The following EPHA6 variants were observed in gnomAD, a reference collection of about 807,000 sequenced individuals.
The protein encoded by EPHA6 is EPH receptor A6.
EPHA6 carries 50 observed loss-of-function variants against 112.0 expected under a neutral mutation model. That is an observed-to-expected ratio of 0.45 (90% CI 0.36 to 0.56). EPHA6 has a LOEUF of 0.56. EPHA6 is among the 20% of genes least tolerant of loss of function. The pLI, the probability that EPHA6 is intolerant of heterozygous loss-of-function variation, is 0.00. For missense variants in EPHA6, 1,280 were observed against 1,417.4 expected (o/e 0.90, Z 1.56); for synonymous variants, 529 against 490.7 (o/e 1.08, Z -1.03).
intron 1 of EPHA6, among the ~76,000 whole-genome samples, chr3:96,839,949 T>C (rs147302370): frequency 2.0e-5 from 3 of 152,248 alleles, no homozygotes; most frequent in Admixed American, 1.3e-4. Context: ...GAATTGGTAA[T>C]GGGAGACCAT....
rs146315061 is a variant in EPHA6, at chr3:97,409,308, A to G, written c.1731+4034A>G. Among the ~76,000 whole-genome samples the G allele has an allele frequency of 2.5e-3, 379 of 152,232 alleles. 3 individuals are homozygous for G. The highest frequency in any genetic ancestry group is 8.2e-3 in the African/African-American group (342 of 41,564). On this transcript the variant is annotated intron_variant, in intron 6 of 17. Coordinates refer to ENST00000389672, the MANE Select transcript of EPHA6 (RefSeq NM_001080448.3). ...GAGAGGCCCATAGATGGTAATTAAT[A>G]GATACTGATTGTTGACCAACTATAT...
In EPHA6 at chr3:97,503,183, T is replaced by G. The variant is rs145169563; in HGVS notation, c.2200+19124T>G. On this transcript the variant is annotated intron_variant, in intron 10 of 17. Coordinates refer to ENST00000389672, the MANE Select transcript of EPHA6 (RefSeq NM_001080448.3). ...TATATTACAAAAACTGACCTCAGGA[T>G]AAATAGGAAACTAAATTGTCCTATA... Among the ~76,000 whole-genome samples, 996 of 152,280 alleles carry G rather than the reference T, an allele frequency of 6.5e-3. 12 individuals are homozygous for G. The highest frequency in any genetic ancestry group is 0.022 in the African/African-American group (916 of 41,570).
intron 6 of EPHA6, among the ~76,000 whole-genome samples, chr3:97,435,401 T>G (rs2089770886): frequency 6.6e-6 from 1 of 152,102 alleles, no homozygotes; most frequent in South Asian, 2.1e-4. Context: ...TAAAAAATAG[T>G]TAATTCATAA....
chr3:97,263,739 TAAA>T (rs2079577784), intron 5 of EPHA6, among the ~76,000 whole-genome samples: 1 of 152,066 alleles, frequency 6.6e-6, no homozygotes, highest in Non-Finnish European at 1.5e-5. Flanking sequence ...TATGCAAAGT[TAAA>T]AGAAGAAAAA....
intron 3 of EPHA6, among the ~76,000 whole-genome samples, chr3:97,177,250 G>T (rs1395746619): frequency 1.3e-5 from 2 of 151,824 alleles, no homozygotes; most frequent in East Asian, 1.9e-4. Flanking sequence ...TGCTTGATAT[G>T]ATTTCAGTTT....
intron 14 of EPHA6, among the ~76,000 whole-genome samples, chr3:97,687,791 T>C (rs534424983): frequency 7.8e-4 from 119 of 152,354 alleles, no homozygotes; most frequent in South Asian, 3.9e-3. Flanking sequence ...AGGTCCACTG[T>C]GGCAGCTCTA....
At chr3:96,925,383 T>C (rs1168068345) in intron 2 of EPHA6, among the ~76,000 whole-genome samples, 1 of 152,160 alleles carries the variant, frequency 6.6e-6, no homozygotes, top group Non-Finnish European at 1.5e-5. Flanking sequence ...GGACAGTGTA[T>C]GTGTCCAGAA....
At chr3:96,996,430 T>C (rs2043425700) in intron 3 of EPHA6, among the ~76,000 whole-genome samples, 1 of 152,108 alleles carries the variant, frequency 6.6e-6, no homozygotes, top group African/African-American at 2.4e-5. Flanking sequence ...GCCGGATCCA[T>C]TGGAGGAATC....
At chr3:97,139,378 C>G (rs981623759) in intron 3 of EPHA6, among the ~76,000 whole-genome samples, 1 of 152,116 alleles carries the variant, frequency 6.6e-6, no homozygotes, top group Admixed American at 6.6e-5. Flanking sequence ...TCACAAGTAC[C>G]ACCTATGGGC....
chr3:97,598,836 G>A (rs1206475301), intron 12 of EPHA6, among the ~76,000 whole-genome samples: 73 of 151,772 alleles, frequency 4.8e-4, no homozygotes, highest in African/African-American at 1.3e-3. Context: ...CTGAAGAATC[G>A]CCACACTGAC....
intron 12 of EPHA6, among the ~76,000 whole-genome samples, chr3:97,596,433 C>T (rs1056373258): frequency 3.9e-5 from 6 of 151,914 alleles, no homozygotes; most frequent in East Asian, 1.9e-4. Context: ...CATACACAAA[C>T]GATAGGAGAA....
chr3:97,104,737 A>G (rs998803824), intron 3 of EPHA6, among the ~76,000 whole-genome samples: 15 of 152,172 alleles, frequency 9.9e-5, no homozygotes, highest in East Asian at 1.9e-4. Flanking sequence ...TTCTTTGTAC[A>G]TCAGGTAGAA....
chr3:97,111,460 G>A (rs2047722248), intron 3 of EPHA6, among the ~76,000 whole-genome samples: 1 of 151,850 alleles, frequency 6.6e-6, no homozygotes, highest in South Asian at 2.1e-4. Context: ...ACAGCTGTGT[G>A]GCAATATCTA....
intron 2 of EPHA6, among the ~76,000 whole-genome samples, chr3:96,926,621 A>G (rs543616146): frequency 6.6e-6 from 1 of 152,360 alleles, no homozygotes; most frequent in African/African-American, 2.4e-5. Context: ...TCTAAATGGG[A>G]GAAATTGGCC....
At chr3:97,363,896 T>C (rs2084555200) in intron 5 of EPHA6, among the ~76,000 whole-genome samples, 1 of 152,034 alleles carries the variant, frequency 6.6e-6, no homozygotes, top group African/African-American at 2.4e-5. Context: ...GTGAACTAAG[T>C]CAGTCACGAA....
At chr3:97,311,734 G>A (rs1049720372) in intron 5 of EPHA6, among the ~76,000 whole-genome samples, 2 of 141,890 alleles carry the variant, frequency 1.4e-5, no homozygotes, top group Non-Finnish European at 3.0e-5. Flanking sequence ...TACAATCTTG[G>A]TTCTTCTTTT....
At chr3:97,652,419 T>G (rs1216073527) in intron 14 of EPHA6, among the ~76,000 whole-genome samples, 1 of 152,078 alleles carries the variant, frequency 6.6e-6, no homozygotes, top group Non-Finnish European at 1.5e-5. Flanking sequence ...CCTTGAAATT[T>G]GGATGTTTTC....
chr3:97,094,725 A>G (rs2047184288), intron 3 of EPHA6, among the ~76,000 whole-genome samples: 1 of 152,168 alleles, frequency 6.6e-6, no homozygotes, highest in Admixed American at 6.6e-5. Flanking sequence ...TACATAAACT[A>G]TTATTTTAGC....
At position 96,839,631 on chromosome 3, in the gene EPHA6, AATGCTTAC is replaced by A. The variant is rs1353424484; in HGVS notation, c.385+24624_385+24631del. ...ATATTAATAAGAATTAATATTTTAG[AATGCTTAC>A]CCTGGAAATGAGGAATGCTATGGAG... On this transcript the variant is annotated intron_variant, in intron 1 of 17. Transcript: ENST00000389672. 2.0e-5 allele frequency among the ~76,000 whole-genome samples: 3 copies of A among 152,164 alleles called. No homozygotes were observed. In the East Asian group the frequency reaches 5.8e-4, roughly 29 times the overall value.
Sources: allele counts gnomAD v4.1 joint callset (sites outside exome capture counted in the v4.1 genomes callset), GRCh38; gene constraint gnomAD v4.1.1; transcripts MANE v1.5; gene names NCBI Gene and HGNC (gene_info 2026-07-23, HGNC 2026-07-21).